The following RPTOR variants were observed in gnomAD, a reference collection of about 807,000 sequenced individuals.
RPTOR encodes the protein regulatory-associated protein of mTOR.
Under a neutral mutation model 169.9 loss-of-function variants are expected in RPTOR, and 21 were observed. The ratio of observed to expected loss-of-function variants is 0.12; its 90% CI spans 0.09 to 0.18. RPTOR has a LOEUF of 0.18. Among genes scored for constraint, RPTOR ranks in the 10% least tolerant of loss-of-function variants. The pLI, the probability that RPTOR is intolerant of heterozygous loss-of-function variation, is 1.00. For synonymous variants in RPTOR, 732 were observed against 753.2 expected (o/e 0.97, Z 0.46); for missense variants, 1,133 against 1,855.9 (o/e 0.61, Z 7.16).
chr17:80,743,882 TACTAGCACTGTCCTGGTTACGAGCACAGC>T (rs2066521764), intron 5 of RPTOR, among the ~76,000 whole-genome samples: 2 of 109,630 alleles, frequency 1.8e-5, no homozygotes, highest in Non-Finnish European at 1.9e-5. Flanking sequence ...CAGCCCTGGC[TACTAGCACTGTCCTGGTTACGAGCACAGC>T]CCTGGTTACT....
At chr17:80,592,707 C>T (rs1197734532) in intron 1 of RPTOR, among the ~76,000 whole-genome samples, 1 of 152,168 alleles carries the variant, frequency 6.6e-6, no homozygotes, top group Non-Finnish European at 1.5e-5. Flanking sequence ...TCCCGTGATG[C>T]TGGCCATAAA....
rs772102338 is a variant in RPTOR at position 80,936,037 on chromosome 17, A to G, written c.2920-4459A>G. Among the ~76,000 whole-genome samples, 98 of 152,360 alleles carry G rather than the reference A, an allele frequency of 6.4e-4. No homozygotes were observed. The highest frequency in any genetic ancestry group is 6.2e-4 in the South Asian group (3 of 4,830). The stretch of plus-strand genomic sequence containing the variant: ...GAAATAAGCAGCCCAATTAAAAAAC[A>G]GTGGCGAAAGATTTTACAGACACCC... On this transcript the variant is annotated intron_variant, in intron 24 of 33. Transcript: ENST00000306801. This position sits in a 1 kb window ranked among gnomAD's most constrained non-coding sequence, Gnocchi z 4.1.
At chr17:80,579,785 G>T (rs956496190) in intron 1 of RPTOR, among the ~76,000 whole-genome samples, 1 of 152,186 alleles carries the variant, frequency 6.6e-6, no homozygotes, top group Non-Finnish European at 1.5e-5. Context: ...TGCATGTGGG[G>T]TAGTTAAGTG....
At chr17:80,585,196 ATTATTATTT>A (rs1392609079) in intron 1 of RPTOR, among the ~76,000 whole-genome samples, 1 of 37,066 alleles carries the variant, frequency 2.7e-5, no homozygotes, top group African/African-American at 1.1e-4. Context: ...TATTATTATT[ATTATTATTT>A]TTGTTTTTTT....
chr17:80,566,276 G>A (rs1342878214), intron 1 of RPTOR, among the ~76,000 whole-genome samples: 2 of 152,282 alleles, frequency 1.3e-5, no homozygotes, highest in South Asian at 2.1e-4. Flanking sequence ...GTCTCATGCC[G>A]TGGTCAGCTT....
intron 3 of RPTOR, among the ~76,000 whole-genome samples, chr17:80,658,451 G>T (rs1387519633): frequency 2.0e-5 from 3 of 152,080 alleles, no homozygotes; most frequent in African/African-American, 7.2e-5. Flanking sequence ...ACGTCACACT[G>T]ACTGTAAGTC....
At position 80,844,258 on chromosome 17, in the gene RPTOR, G is replaced by C. The variant is rs766332775; in HGVS notation, c.1213-2215G>C. Among the ~76,000 whole-genome samples, 1 of 152,174 alleles carries C rather than the reference G, an allele frequency of 6.6e-6. No homozygotes were observed. The highest frequency in any genetic ancestry group is 1.9e-4 in the East Asian group (1 of 5,196). ...TAGGGAGCTTCACGGGCTTCACCGC[G>C]CACCTGCCAGGCAAAGGTGTGCTTT... On this transcript the variant is annotated intron_variant, in intron 10 of 33. Coordinates refer to ENST00000306801, the MANE Select transcript of RPTOR (RefSeq NM_020761.3). The surrounding 1 kb of genome is among the most constrained non-coding windows in gnomAD (Gnocchi z 4.7).
chr17:80,727,473 C>T (rs2066349163), intron 4 of RPTOR, among the ~76,000 whole-genome samples: 1 of 151,454 alleles, frequency 6.6e-6, no homozygotes, highest in South Asian at 2.1e-4. Context: ...GCCCCGAGAA[C>T]GTGGACGCTG....
chr17:80,870,450 G>GT (rs2068039890), intron 13 of RPTOR, among the ~76,000 whole-genome samples: 2 of 152,208 alleles, frequency 1.3e-5, no homozygotes, highest in South Asian at 4.1e-4. Context: ...ACCACAGTTC[G>GT]TGTATGCTGG....
chr17:80,706,056 T>G (rs1178899812), intron 3 of RPTOR, among the ~76,000 whole-genome samples: 1 of 152,228 alleles, frequency 6.6e-6, no homozygotes, highest in Non-Finnish European at 1.5e-5. Flanking sequence ...TTACTTATTT[T>G]AGTTGTTTTT....
intron 9 of RPTOR, among the ~76,000 whole-genome samples, chr17:80,833,258 G>A (rs7212468): frequency 0.013 from 1,978 of 152,306 alleles, 49 homozygotes; most frequent in African/African-American, 0.046. Flanking sequence ...TTTTCCAGGC[G>A]AGTGACTCAT....
At position 80,962,558 on chromosome 17, in the gene RPTOR, C is replaced by A. The variant is rs373830598; in HGVS notation, c.3790C>A (p.Gln1264Lys). 1.2e-6 allele frequency: 2 copies of A among 1,613,624 alleles called. No homozygotes were observed. Among genetic ancestry groups the A allele is most frequent in the Non-Finnish European group, 1.7e-6 (2 of 1,179,840 alleles). The change falls in exon 32 of 34, where the codon CAG becomes AAG. Residue 1264 changes from glutamine (Q) to lysine (K), a missense_variant. This residue lies in a region of RPTOR where 410 missense variants were observed against 623.7 expected (regional missense o/e 0.66). Transcript: ENST00000306801. The stretch of plus-strand genomic sequence containing the variant: ...GCTGACGGCCCTGGACATCCACCCC[C>A]AGGCGGACCTGATCGCATGGTAGGC... ...KGLTALDIHP[Q>K]ADLIACGSVN...
intron 9 of RPTOR, among the ~76,000 whole-genome samples, chr17:80,824,436 T>G (rs1478880519): frequency 6.6e-6 from 1 of 152,218 alleles, no homozygotes; most frequent in East Asian, 1.9e-4. Context: ...ATACTTAGAA[T>G]AAATATTTAA....
chr17:80,688,364 C>G (rs768828322), intron 3 of RPTOR, among the ~76,000 whole-genome samples: 3 of 152,214 alleles, frequency 2.0e-5, no homozygotes, highest in Non-Finnish European at 4.4e-5. Context: ...TAAGCATGGG[C>G]TTTGTGTGTG....
At chr17:80,917,519 C>T (rs1178077230) in intron 21 of RPTOR, among the ~76,000 whole-genome samples, 1 of 152,164 alleles carries the variant, frequency 6.6e-6, no homozygotes, top group Non-Finnish European at 1.5e-5. Context: ...TCTCCCTACC[C>T]TCTGTTCTCT....
intron 21 of RPTOR, among the ~76,000 whole-genome samples, chr17:80,914,195 G>C (rs58869707): frequency 0.069 from 10,469 of 152,328 alleles, 890 homozygotes; most frequent in African/African-American, 0.2. Context: ...GGCCAGGGCC[G>C]TGTGCTCCAC....
chr17:80,682,801 T>C (rs1051327149), intron 3 of RPTOR, among the ~76,000 whole-genome samples: 1 of 152,008 alleles, frequency 6.6e-6, no homozygotes, highest in Non-Finnish European at 1.5e-5. Context: ...CCTTTTTTTT[T>C]CTTAAAAAAA....
rs1567864688 is a variant in RPTOR at position 80,700,738 on chromosome 17, G to GAT, written c.349-7103_349-7102insAT. Among the ~76,000 whole-genome samples, 5 of 150,480 alleles carry GAT rather than the reference G, an allele frequency of 3.3e-5. 1 individual carries two copies. Among genetic ancestry groups the GAT allele is most frequent in the African/African-American group, 4.9e-5 (2 of 41,026 alleles). On this transcript the variant is annotated intron_variant, in intron 3 of 33. Coordinates refer to ENST00000306801, the MANE Select transcript of RPTOR (RefSeq NM_020761.3). ...TGGTGGTGGTGGTGGTGATGATGGT[G>GAT]GTGGTGGTGGTGGTGATGATGGTGA... is the stretch of plus-strand genomic sequence containing the variant.
chr17:80,895,327 C>T (rs2068385018), intron 20 of RPTOR, among the ~76,000 whole-genome samples: 1 of 152,186 alleles, frequency 6.6e-6, no homozygotes, highest in Non-Finnish European at 1.5e-5. Context: ...CAGCCCCACG[C>T]CCCACCTGGA....
Sources: allele counts gnomAD v4.1 joint callset (sites outside exome capture counted in the v4.1 genomes callset), GRCh38; gene constraint gnomAD v4.1.1; regional missense constraint gnomAD v4.1.1; non-coding constraint Gnocchi (gnomAD v3.1); transcripts MANE v1.5; gene names NCBI Gene and HGNC (gene_info 2026-07-23, HGNC 2026-07-21).